The following CACNA2D2 variants were observed in gnomAD, a reference collection of about 807,000 sequenced individuals.
The protein encoded by CACNA2D2 is calcium voltage-gated channel auxiliary subunit alpha2delta 2.
Under a neutral mutation model 166.4 loss-of-function variants are expected in CACNA2D2, and 48 were observed. The ratio of observed to expected loss-of-function variants is 0.29; its 90% CI spans 0.23 to 0.37. The LOEUF (loss-of-function observed/expected upper bound fraction) is 0.37. Ranked by LOEUF, CACNA2D2 falls within the 10% of genes least tolerant of loss-of-function variation. CACNA2D2 has a pLI of 1.00. For synonymous variants in CACNA2D2, 561 were observed against 573.7 expected (o/e 0.98, Z 0.32); for missense variants, 1,122 against 1,433.0 (o/e 0.78, Z 3.50).
chr3:50,478,269 G>A (rs72938719), intron 1 of CACNA2D2, among the ~76,000 whole-genome samples: 4,640 of 152,280 alleles, frequency 0.03, 230 homozygotes, highest in African/African-American at 0.11. Context: ...CAGCCTGCGT[G>A]ACCCCTGGCC....
chr3:50,377,623 A>C, intron 16 of CACNA2D2, 82 bp from the exon 17 acceptor site: 1 of 1,567,156 alleles, frequency 6.4e-7, no homozygotes, highest in Non-Finnish European at 8.8e-7. Context: ...AGCTGCTCTC[A>C]CAGGCAGTGT....
chr3:50,404,511 C>T (rs1706599252), intron 3 of CACNA2D2, among the ~76,000 whole-genome samples: 2 of 152,128 alleles, frequency 1.3e-5, no homozygotes, highest in African/African-American at 4.8e-5. Flanking sequence ...AGCTCAGCAC[C>T]CCTGCCCTGG....
intron 4 of CACNA2D2, among the ~76,000 whole-genome samples, chr3:50,388,639 G>T (rs1037227103): frequency 6.6e-6 from 1 of 152,206 alleles, no homozygotes; most frequent in Non-Finnish European, 1.5e-5. Flanking sequence ...CCGGACACCC[G>T]CTTCCCAAGG....
rs1708176067 is a variant in CACNA2D2 at position 50,433,641 on chromosome 3, T to C, written c.405+672A>G. ...TTTACGTATGACCTTCCCTGGTCACTTGGCAGCTGAGAAGCCCCATCCCAC... is the reference window on the plus strand; with the variant it reads ...TTTACGTATGACCTTCCCTGGTCACCTGGCAGCTGAGAAGCCCCATCCCAC... On this transcript the variant is annotated intron_variant, in intron 3 of 37. Transcript: ENST00000424201. 1.3e-5 allele frequency among the ~76,000 whole-genome samples: 2 copies of C among 152,278 alleles called. 1 individual carries two copies. The highest frequency in any genetic ancestry group is 4.1e-4 in the South Asian group (2 of 4,822).
In CACNA2D2 at chr3:50,427,502, G is replaced by A. The variant is rs1025790758; in HGVS notation, c.405+6811C>T. Among the ~76,000 whole-genome samples, 4 of 152,260 alleles carry A rather than the reference G, an allele frequency of 2.6e-5. No homozygotes were observed. Among genetic ancestry groups the A allele is most frequent in the Non-Finnish European group, 5.9e-5 (4 of 68,046 alleles). ...CACGCGTGCGCCTAATTGGCTCCAC[G>A]TGTCTGCGGCTCCTTTCCAGAGCAG... On this transcript the variant is annotated intron_variant, in intron 3 of 37. Transcript: ENST00000424201. This position sits in a 1 kb window ranked among gnomAD's most constrained non-coding sequence, Gnocchi z 4.7.
In CACNA2D2 at chr3:50,368,126, C is replaced by G; in HGVS notation, c.2143+12G>C. On this transcript the variant is annotated intron_variant, in intron 24 of 37. Transcript: ENST00000424201. ...GCACTGCCCAGAGCCAGCTGCCCTGCCAGGCACTCACACTGCTTGGAGTCT... is the reference window on the plus strand; with the variant it reads ...GCACTGCCCAGAGCCAGCTGCCCTGGCAGGCACTCACACTGCTTGGAGTCT... The G allele has an allele frequency of 6.3e-7, 1 of 1,594,314 alleles. No individual in the cohort carries two copies. Among genetic ancestry groups the G allele is most frequent in the African/African-American group, 1.3e-5 (1 of 74,658 alleles).
intron 3 of CACNA2D2, among the ~76,000 whole-genome samples, chr3:50,412,792 C>A (rs1204819155): frequency 2.0e-5 from 3 of 152,174 alleles, no homozygotes; most frequent in Non-Finnish European, 4.4e-5. Flanking sequence ...TCTGAACATG[C>A]CCTATTTAAT....
intron 2 of CACNA2D2, among the ~76,000 whole-genome samples, chr3:50,447,753 C>T (rs1430823532): frequency 1.3e-5 from 2 of 152,118 alleles, no homozygotes; most frequent in East Asian, 3.9e-4. Context: ...TGGCAGCCTC[C>T]CTGCCTGCTT....
chr3:50,422,933 A>C (rs1707644488), intron 3 of CACNA2D2, among the ~76,000 whole-genome samples: 1 of 152,214 alleles, frequency 6.6e-6, no homozygotes, highest in African/African-American at 2.4e-5. Flanking sequence ...CGGCCAACAG[A>C]CCTGGTCCCT....
chr3:50,408,948 G>A (rs1706855674), intron 3 of CACNA2D2, among the ~76,000 whole-genome samples: 1 of 152,208 alleles, frequency 6.6e-6, no homozygotes, highest in Non-Finnish European at 1.5e-5. Context: ...TCTCTCCCCT[G>A]GGACAAGGGT....
At chr3:50,395,369 A>T (rs1706100119) in intron 3 of CACNA2D2, among the ~76,000 whole-genome samples, 1 of 151,872 alleles carries the variant, frequency 6.6e-6, no homozygotes, top group Non-Finnish European at 1.5e-5. Flanking sequence ...AGCCCTCACC[A>T]ATGCATTTGT....
intron 4 of CACNA2D2, among the ~76,000 whole-genome samples, chr3:50,388,776 AC>A (rs1559901176): frequency 6.6e-6 from 1 of 152,166 alleles, no homozygotes; most frequent in Non-Finnish European, 1.5e-5. Context: ...CTCCGTCAGT[AC>A]CTGGGACTGT....
intron 2 of CACNA2D2, among the ~76,000 whole-genome samples, chr3:50,451,927 C>A (rs1330401924): frequency 6.6e-6 from 1 of 152,190 alleles, no homozygotes; most frequent in Non-Finnish European, 1.5e-5. Flanking sequence ...GGCCTCAGCG[C>A]TGGCAAGAGG....
At chr3:50,447,444 G>A (rs1708905966) in intron 2 of CACNA2D2, among the ~76,000 whole-genome samples, 1 of 152,182 alleles carries the variant, frequency 6.6e-6, no homozygotes, top group South Asian at 2.1e-4. Flanking sequence ...GCAAGGAGGC[G>A]GTGAGGGCAA....
chr3:50,387,571 C>T lies in CACNA2D2; in HGVS notation c.507G>A (p.Glu169=). ...IVYYDAKADA[E]LDDPESEDVE... is the part of the protein sequence containing the mutation. ...TGGCTCAGGAGGGGGTGCTCACCAG[C>T]TCAGCGTCAGCCTTGGCGTCATAGT... is the stretch of plus-strand genomic sequence containing the variant. The change falls in exon 5 of 38, where the codon GAG becomes GAA. Residue 169 remains glutamate, a synonymous_variant. Transcript: ENST00000424201. 12 of 1,613,816 alleles carry T rather than the reference C, an allele frequency of 7.4e-6. No individual in the cohort carries two copies. Among genetic ancestry groups the T allele is most frequent in the Non-Finnish European group, 1.0e-5 (12 of 1,179,788 alleles).
intron 2 of CACNA2D2, among the ~76,000 whole-genome samples, chr3:50,467,335 TC>T (rs2107041154): frequency 6.6e-6 from 1 of 152,314 alleles, no homozygotes; most frequent in South Asian, 2.1e-4. Context: ...TCCTAGGGCA[TC>T]TGGCATCAAG....
At chr3:50,391,581 G>A (rs1003868169) in intron 4 of CACNA2D2, among the ~76,000 whole-genome samples, 1 of 152,226 alleles carries the variant, frequency 6.6e-6, no homozygotes, top group Non-Finnish European at 1.5e-5. Flanking sequence ...GAGGAAGGGG[G>A]ATAGGAGCTT....
intron 3 of CACNA2D2, among the ~76,000 whole-genome samples, chr3:50,400,274 C>G (rs1418399546): frequency 1.3e-5 from 2 of 152,240 alleles, no homozygotes; most frequent in Non-Finnish European, 2.9e-5. Context: ...GGGGCCCTGG[C>G]CCTGTGGGCC....
rs1699079440 is a variant in CACNA2D2, at chr3:50,503,550, G to A, written c.-127C>T. 6.0e-6 allele frequency: 1 copy of A among 168,056 alleles called. No individual in the cohort carries two copies. The highest frequency in any genetic ancestry group is 2.4e-5 in the African/African-American group (1 of 41,470). The allele number at this position is 168,056 out of a possible 1,614,324, so 10.4% of individuals were successfully genotyped here. A position where few individuals can be genotyped will look rare whatever the true frequency, so the allele number is the denominator to read the frequency against. ...TCTCCTCCGCCGCCGCCTTCTCCGC[G>A]AGGGGCCTCCGGGGCTGCACGGGCC... On this transcript the variant is annotated 5_prime_UTR_variant, in exon 1 of 38. Transcript: ENST00000424201.
Sources: allele counts gnomAD v4.1 joint callset (sites outside exome capture counted in the v4.1 genomes callset), GRCh38; gene constraint gnomAD v4.1.1; non-coding constraint Gnocchi (gnomAD v3.1); transcripts MANE v1.5; gene names NCBI Gene and HGNC (gene_info 2026-07-23, HGNC 2026-07-21).